The following NDUFC1 variants were observed in gnomAD, a reference collection of about 807,000 sequenced individuals.
NDUFC1 encodes NADH:ubiquinone oxidoreductase subunit C1.
In NDUFC1, 11 loss-of-function variants were observed where a neutral mutation model predicts 11.6. The observed-to-expected ratio is 0.95, with a 90% CI of 0.60 to 1.58. The LOEUF is 1.58. NDUFC1 is among the 40% of genes most tolerant of loss of function. The pLI is 0.00. For synonymous variants in NDUFC1, 52 were observed against 42.2 expected, an observed-to-expected ratio of 1.23 and a Z score of -0.90; for missense variants, 112 against 93.0, an observed-to-expected ratio of 1.20 and a Z score of -0.84.
At position 139,293,976 on chromosome 4, in the gene NDUFC1, G is replaced by T. The variant is rs1252098814; in HGVS notation, c.171+1067C>A. ...TTTTTTTTTGAGACAGAGTCTCGCTGTATCTCCCAGGCTGGAGTGCGGTAG... is the reference window on the plus strand; with the variant it reads ...TTTTTTTTTGAGACAGAGTCTCGCTTTATCTCCCAGGCTGGAGTGCGGTAG... On this transcript the variant is annotated intron_variant, in intron 4 of 5. Coordinates refer to ENST00000394223, the MANE Select transcript of NDUFC1 (RefSeq NM_001184989.2). Among the ~76,000 whole-genome samples, 6 of 109,738 alleles carry T rather than the reference G, an allele frequency of 5.5e-5. No individual in the cohort carries two copies. In the East Asian group the frequency reaches 1.8e-3, roughly 33 times the overall value. 72.0% of individuals were successfully genotyped at this position (109,738 alleles called of 152,430 possible).
intron 5 of NDUFC1, among the ~76,000 whole-genome samples, chr4:139,291,467 C>T (rs1341651872): frequency 6.6e-6 from 1 of 151,912 alleles, no homozygotes; most frequent in Non-Finnish European, 1.5e-5. Flanking sequence ...CCCAGCTACT[C>T]GAGAGGCTGA....
chr4:139,290,110 A>G lies in NDUFC1; in HGVS notation c.*21-18T>C, dbSNP rs1745150004. ...GAGCATACCTATAATGAAGAAAAAA[A>G]AAACTGTAGCATTAACCAGCAGAAA... On this transcript the variant is annotated intron_variant, in intron 5 of 5. Transcript: ENST00000394223. 6.6e-6 allele frequency: 1 copy of G among 152,144 alleles called. No individual in the cohort carries two copies. Among genetic ancestry groups the G allele is most frequent in the Admixed American group, 6.6e-5 (1 of 15,244 alleles). 9.4% of individuals were successfully genotyped at this position (152,144 alleles called of 1,614,324 possible).
chr4:139,296,028 G>C (rs1196090686), intron 2 of NDUFC1, 68 bp from the exon 3 acceptor site: 1 of 507,644 alleles, frequency 2.0e-6, no homozygotes, highest in African/African-American at 2.0e-5. Context: ...TGTCCTCTGG[G>C]GGTTTTTCAC....
chr4:139,301,722 G>A, intron 1 of NDUFC1: 3 of 1,529,108 alleles, frequency 2.0e-6, no homozygotes, highest in Admixed American at 2.0e-5. Context: ...GCGGCGGTCG[G>A]ACAAACTGAC....
intron 5 of NDUFC1, among the ~76,000 whole-genome samples, chr4:139,291,793 T>C (rs1362081172): frequency 6.6e-6 from 1 of 151,818 alleles, no homozygotes; most frequent in Non-Finnish European, 1.5e-5. Context: ...GAAAGCAAAG[T>C]GTAAAGCACT....
intron 1 of NDUFC1, chr4:139,301,835 A>G: frequency 6.3e-7 from 1 of 1,589,568 alleles, no homozygotes; most frequent in Non-Finnish European, 8.6e-7. Flanking sequence ...GATCTTGGTA[A>G]GTGTGAGGCT....
In NDUFC1 at chr4:139,295,936, T is replaced by G; in HGVS notation, c.-138A>C. 4.9e-5 allele frequency: 39 copies of G among 789,796 alleles called. No individual in the cohort carries two copies. Among genetic ancestry groups the G allele is most frequent in the East Asian group, 9.2e-5 (3 of 32,718 alleles). 48.9% of individuals were successfully genotyped at this position (789,796 alleles called of 1,614,324 possible). A position where few individuals can be genotyped will look rare whatever the true frequency, so the allele number is the denominator to read the frequency against. On this transcript the variant is annotated 5_prime_UTR_variant, in exon 3 of 6. Coordinates refer to ENST00000394223, the MANE Select transcript of NDUFC1 (RefSeq NM_001184989.2). ...TGAATTCCAGCACGGCAAGGTTCTC[T>G]AGCACCCCGGCCTCAGCCTTCTGTC...
At chr4:139,298,075 A>G (rs1002113010) in intron 1 of NDUFC1, among the ~76,000 whole-genome samples, 1 of 144,398 alleles carries the variant, frequency 6.9e-6, no homozygotes, top group Non-Finnish European at 1.6e-5. Flanking sequence ...TCACAAAAAC[A>G]AAACAAAAGA....
intron 1 of NDUFC1, chr4:139,301,173 T>G (rs571949154): frequency 5.1e-6 from 1 of 195,874 alleles, no homozygotes; most frequent in South Asian, 1.9e-4. Context: ...TTTAGCACTT[T>G]GGGCTCAAAC....
intron 1 of NDUFC1, chr4:139,301,587 G>A: frequency 1.6e-6 from 1 of 636,644 alleles, no homozygotes; most frequent in Non-Finnish European, 2.7e-6. Flanking sequence ...AGCGTTAAGT[G>A]AGAAAGGAAA....
In NDUFC1 at chr4:139,295,023, TC is replaced by T. The variant is rs1745396808; in HGVS notation, c.171+19del. ...ACCACGCTGGTGTAGTCTCACGACA[TC>T]CGGGAGTAAAGTACTTACATAGATC... On this transcript the variant is annotated intron_variant, in intron 4 of 5. Transcript: ENST00000394223. 6.3e-7 allele frequency: 1 copy of T among 1,583,820 alleles called. No individual in the cohort carries two copies. Among genetic ancestry groups the T allele is most frequent in the South Asian group, 1.1e-5 (1 of 90,412 alleles).
At chr4:139,292,698 A>T in intron 4 of NDUFC1, 89 bp from the exon 5 acceptor site, 1 of 804,750 alleles carries the variant, frequency 1.2e-6, no homozygotes, top group Non-Finnish European at 1.9e-6. Context: ...AAAATAAACA[A>T]CTATTCTAGT....
chr4:139,299,281 T>A (rs906903270), intron 1 of NDUFC1, among the ~76,000 whole-genome samples: 3 of 151,756 alleles, frequency 2.0e-5, no homozygotes, highest in African/African-American at 7.3e-5. Context: ...TTTTTTTTTT[T>A]AAATAAGATC....
chr4:139,293,451 TCAATCACTAG>T (rs1745317459), intron 4 of NDUFC1, among the ~76,000 whole-genome samples: 1 of 152,192 alleles, frequency 6.6e-6, no homozygotes, highest in South Asian at 2.1e-4. Flanking sequence ...AGATCCAAGT[TCAATCACTAG>T]TGCTCTCAGC....
chr4:139,290,092 C>T lies in NDUFC1; in HGVS notation c.*21G>A, dbSNP rs1385977359. On this transcript the variant is annotated splice_region_variant and 3_prime_UTR_variant, in exon 6 of 6. Transcript: ENST00000394223. ...AGCTACAATCACTATACGGAGCATA[C>T]CTATAATGAAGAAAAAAAAAACTGT... The T allele has an allele frequency of 1.3e-5, 2 of 151,224 alleles. No homozygotes were observed. Among genetic ancestry groups the T allele is most frequent in the Non-Finnish European group, 2.9e-5 (2 of 67,894 alleles). The allele number at this position is 151,224 out of a possible 1,614,324, so 9.4% of individuals were successfully genotyped here. A position where few individuals can be genotyped will look rare whatever the true frequency, so the allele number is the denominator to read the frequency against.
At chr4:139,296,534 T>C (rs1471719207) in intron 2 of NDUFC1, among the ~76,000 whole-genome samples, 1 of 152,216 alleles carries the variant, frequency 6.6e-6, no homozygotes, top group Non-Finnish European at 1.5e-5. Context: ...TCAAAGCCAT[T>C]CTGCTCACCA....
chr4:139,292,923 C>T (rs1215505389), intron 4 of NDUFC1, among the ~76,000 whole-genome samples: 3 of 151,850 alleles, frequency 2.0e-5, no homozygotes, highest in African/African-American at 7.3e-5. Flanking sequence ...TGGGTTCAAG[C>T]GATTCTCCTG....
Position 139,295,120 on chromosome 4 carries a change from G to A in NDUFC1, c.94C>T (p.Arg32Ter), listed in dbSNP as rs1745404134. 1.2e-6 allele frequency: 2 copies of A among 1,614,028 alleles called. No homozygotes were observed. The highest frequency in any genetic ancestry group is 3.3e-5 in the Admixed American group (2 of 59,992). ...TCAGGTTTGGCATTCGGCGGCTCTC[G>A]CACGTAGAACTTTGATCGCACTGAA... is the stretch of plus-strand genomic sequence containing the variant. ...GPSVRSKFYV[R>*]EPPNAKPDWL... is the part of the protein sequence containing the mutation. Residue 32 changes from arginine (R) to a stop codon, truncating the protein, a stop_gained, in exon 4 of 6, where the codon CGA becomes TGA. Coordinates refer to ENST00000394223, the MANE Select transcript of NDUFC1 (RefSeq NM_001184989.2). LOFTEE classifies it high-confidence loss of function.
In NDUFC1 at chr4:139,292,542, T is replaced by TAGTAAA. The variant is rs1560938685; in HGVS notation, c.*7_*8insTTTACT. 20 of 1,514,884 alleles carry TAGTAAA rather than the reference T, an allele frequency of 1.3e-5. No homozygotes were observed. The highest frequency in any genetic ancestry group is 1.8e-5 in the Non-Finnish European group (20 of 1,099,038). 93.8% of individuals were successfully genotyped at this position (1,514,884 alleles called of 1,614,324 possible). ...CTTGTATACTTACTACATTAGTGTT[T>TAGTAAA]CAAAAGTTTATTCCAGCCCATTTCT... On this transcript the variant is annotated 3_prime_UTR_variant, in exon 5 of 6. Coordinates refer to ENST00000394223, the MANE Select transcript of NDUFC1 (RefSeq NM_001184989.2).
Sources: gnomAD v4.1 joint callset for allele counts (sites outside exome capture counted in the v4.1 genomes callset) on GRCh38, gnomAD v4.1.1 for gene constraint, MANE v1.5 for transcripts, NCBI Gene and HGNC (gene_info 2026-07-23, HGNC 2026-07-21) for gene names.